Variants in SPIDR observed in about 807,000 individuals in gnomAD.
SPIDR encodes the protein scaffold protein involved in DNA repair, also known as DNA repair-scaffolding protein.
SPIDR carries 93 observed loss-of-function variants against 104.6 expected under a neutral mutation model. That is an observed-to-expected ratio of 0.89 (90% CI 0.75 to 1.06). The LOEUF is 1.06. Among genes scored for constraint, SPIDR ranks in the 50% least tolerant of loss-of-function variants. The probability of loss-of-function intolerance (pLI) is 0.00; values close to 1 mark genes in which losing one functional copy is unlikely to be tolerated. For missense variants in SPIDR, 1,154 were observed against 1,111.2 expected, an observed-to-expected ratio of 1.04 and a Z score of -0.55; for synonymous variants, 431 against 416.9, an observed-to-expected ratio of 1.03 and a Z score of -0.41.
At chr8:47,684,534 A>G (rs1228507867) in intron 11 of SPIDR, among the ~76,000 whole-genome samples, 2 of 152,256 alleles carry the variant, frequency 1.3e-5, no homozygotes, top group Admixed American at 1.3e-4. Context: ...TTAGTTATCA[A>G]CAAGGATAAA....
intron 5 of SPIDR, among the ~76,000 whole-genome samples, chr8:47,389,177 T>A (rs2060281718): frequency 6.6e-6 from 1 of 152,208 alleles, no homozygotes; most frequent in Non-Finnish European, 1.5e-5. Context: ...CTATAAAAGA[T>A]CCTGACTTAC....
At chr8:47,415,330 G>A (rs1213920378) in intron 7 of SPIDR, among the ~76,000 whole-genome samples, 1 of 152,154 alleles carries the variant, frequency 6.6e-6, no homozygotes, top group African/African-American at 2.4e-5. Context: ...TTTTATAACT[G>A]TAGAATGACA....
chr8:47,736,049 C>T lies in SPIDR; in HGVS notation c.*599C>T, dbSNP rs2086209637. The T allele has an allele frequency of 6.2e-6, 1 of 160,786 alleles. No individual in the cohort carries two copies. Among genetic ancestry groups the T allele is most frequent in the African/African-American group, 2.4e-5 (1 of 41,480 alleles). The allele number at this position is 160,786 out of a possible 1,614,324, so 10.0% of individuals were successfully genotyped here. On this transcript the variant is annotated 3_prime_UTR_variant, in exon 20 of 20. Coordinates refer to ENST00000297423, the MANE Select transcript of SPIDR (RefSeq NM_001080394.4). ...GAATGGTGGTGGGGATAGCTGGCTC[C>T]ACCACACACACCTGTTTTAATTAGG...
chr8:47,617,868 G>C (rs1172127063), intron 10 of SPIDR, among the ~76,000 whole-genome samples: 1 of 152,134 alleles, frequency 6.6e-6, no homozygotes, highest in Non-Finnish European at 1.5e-5. Flanking sequence ...AACTTAAAAT[G>C]AATATTGCTT....
chr8:47,325,098 C>CT (rs2047437990), intron 5 of SPIDR, among the ~76,000 whole-genome samples: 1 of 152,144 alleles, frequency 6.6e-6, no homozygotes, highest in Admixed American at 6.5e-5. Context: ...GGACCTGAGA[C>CT]TTTCAGTGTA....
rs1400878251 is a variant in SPIDR, at chr8:47,728,929, C to T, written c.2436-4C>T. 1.2e-6 allele frequency: 2 copies of T among 1,606,138 alleles called. No homozygotes were observed. Among genetic ancestry groups the T allele is most frequent in the Non-Finnish European group, 1.7e-6 (2 of 1,177,012 alleles). The stretch of plus-strand genomic sequence containing the variant: ...TTGTCTTTCCTTGGCTTTTCATATA[C>T]CAGAGGCGCCTTTTCCTGTGGGGAC... On this transcript the variant is annotated splice_region_variant and splice_polypyrimidine_tract_variant and intron_variant, in intron 17 of 19. Coordinates refer to ENST00000297423, the MANE Select transcript of SPIDR (RefSeq NM_001080394.4).
intron 5 of SPIDR, among the ~76,000 whole-genome samples, chr8:47,297,712 G>T (rs2041153651): frequency 1.3e-5 from 2 of 152,036 alleles, no homozygotes; most frequent in Non-Finnish European, 2.9e-5. Flanking sequence ...GCGCTGTTTG[G>T]TTTTTTGTCC....
chr8:47,645,019 A>G (rs1238618169), intron 10 of SPIDR, among the ~76,000 whole-genome samples: 1 of 152,188 alleles, frequency 6.6e-6, no homozygotes, highest in Non-Finnish European at 1.5e-5. Context: ...GAGACAGATG[A>G]TTAGCACACA....
chr8:47,318,983 C>CA (rs1234510831), intron 5 of SPIDR, among the ~76,000 whole-genome samples: 2 of 150,168 alleles, frequency 1.3e-5, no homozygotes, highest in Non-Finnish European at 3.0e-5. Flanking sequence ...CCAGCCACTG[C>CA]AAAAACATGC....
chr8:47,732,152 G>A (rs1448314344), intron 19 of SPIDR: 1 of 702,482 alleles, frequency 1.4e-6, no homozygotes, highest in East Asian at 2.7e-5. Context: ...AGGAACCCTG[G>A]CAGAAATCCT....
intron 8 of SPIDR, among the ~76,000 whole-genome samples, chr8:47,575,916 C>T (rs1349828556): frequency 1.3e-5 from 2 of 149,832 alleles, no homozygotes; most frequent in African/African-American, 2.4e-5. Flanking sequence ...GCCGAGATCG[C>T]GCCACTGCTT....
intron 5 of SPIDR, among the ~76,000 whole-genome samples, chr8:47,335,224 G>A (rs2049464317): frequency 1.3e-5 from 2 of 152,126 alleles, no homozygotes; most frequent in African/African-American, 2.4e-5. Context: ...CTTTCTTTAT[G>A]TAGAACTGAA....
At chr8:47,279,061 G>GTTT (rs1187275785) in intron 1 of SPIDR, among the ~76,000 whole-genome samples, 1 of 134,708 alleles carries the variant, frequency 7.4e-6, no homozygotes, top group Non-Finnish European at 1.6e-5. Context: ...TCACTAAAAA[G>GTTT]TTTTTTTTTT....
intron 5 of SPIDR, among the ~76,000 whole-genome samples, chr8:47,347,503 G>T (rs1049068486): frequency 7.9e-5 from 12 of 152,152 alleles, no homozygotes; most frequent in Non-Finnish European, 1.8e-4. Context: ...GGATATCCTT[G>T]TTAACTTTCT....
chr8:47,267,620 A>T (rs569035093), intron 1 of SPIDR, among the ~76,000 whole-genome samples: 1 of 152,236 alleles, frequency 6.6e-6, no homozygotes, highest in East Asian at 1.9e-4. Flanking sequence ...GCATCTTTTC[A>T]TGTACTTATT....
chr8:47,617,248 C>T (rs1035162518), intron 10 of SPIDR, among the ~76,000 whole-genome samples: 2 of 152,112 alleles, frequency 1.3e-5, no homozygotes, highest in African/African-American at 4.8e-5. Context: ...TTTAAACTCC[C>T]ATTTTATAAT....
At chr8:47,525,752 AG>A (rs2084881715) in intron 8 of SPIDR, among the ~76,000 whole-genome samples, 1 of 150,990 alleles carries the variant, frequency 6.6e-6, no homozygotes. Flanking sequence ...CACCCTGGGT[AG>A]ACAGAGTGAG....
intron 8 of SPIDR, chr8:47,527,290 C>G (rs561426905): frequency 6.6e-6 from 1 of 152,196 alleles, no homozygotes; most frequent in Non-Finnish European, 1.5e-5. Context: ...AACGCCAACA[C>G]CAACTCCAGA....
Position 47,260,963 on chromosome 8 carries a change from C to A in SPIDR, c.5C>A (p.Pro2His). 2 of 1,229,816 alleles carry A rather than the reference C, an allele frequency of 1.6e-6. No homozygotes were observed. The highest frequency in any genetic ancestry group is 3.1e-4 in the Middle Eastern group (1 of 3,206). 76.2% of individuals were successfully genotyped at this position (1,229,816 alleles called of 1,614,324 possible). A position where few individuals can be genotyped will look rare whatever the true frequency, so the allele number is the denominator to read the frequency against. The change falls in exon 1 of 20, where the codon CCC becomes CAC. Residue 2 changes from proline (P) to histidine (H), a missense_variant. Coordinates refer to ENST00000297423, the MANE Select transcript of SPIDR (RefSeq NM_001080394.4). ...GCTCAGGCGGCGCTCCCGGAGATGC[C>A]CCGCGGCAGCCGCGCTCGGGGCTCT... M[P>H]RGSRARGSKR...
Sources: gnomAD v4.1 joint callset for allele counts (sites outside exome capture counted in the v4.1 genomes callset) on GRCh38, gnomAD v4.1.1 for gene constraint, MANE v1.5 for transcripts, NCBI Gene and HGNC (gene_info 2026-07-23, HGNC 2026-07-21) for gene names.